CHN2: variants seen among roughly 807,000 people sequenced by gnomAD.
The protein encoded by CHN2 is beta-chimaerin.
In CHN2, 35 loss-of-function variants were observed where a neutral mutation model predicts 56.3. That is an observed-to-expected ratio of 0.62 (90% CI 0.47 to 0.82). The LOEUF (loss-of-function observed/expected upper bound fraction) is 0.82. CHN2 is among the 40% of genes least tolerant of loss of function. The pLI is 0.00. For synonymous variants in CHN2, 210 were observed against 212.8 expected (o/e 0.99, Z 0.12); for missense variants, 491 against 580.5 (o/e 0.85, Z 1.58).
intron 1 of CHN2, among the ~76,000 whole-genome samples, chr7:29,208,370 G>T (rs1274553242): frequency 1.3e-5 from 2 of 152,090 alleles, no homozygotes; most frequent in East Asian, 3.9e-4. Flanking sequence ...TGAAGACAAA[G>T]CAAGTACTAG....
At chr7:29,424,661 G>T (rs935321357) in intron 6 of CHN2, among the ~76,000 whole-genome samples, 2 of 152,160 alleles carry the variant, frequency 1.3e-5, no homozygotes, top group African/African-American at 4.8e-5. Context: ...TAATTTTGGA[G>T]ATTTTACAAA....
intron 12 of CHN2, among the ~76,000 whole-genome samples, chr7:29,510,597 G>A (rs1791196249): frequency 6.6e-6 from 1 of 152,074 alleles, no homozygotes; most frequent in South Asian, 2.1e-4. Flanking sequence ...TCAGTTCCTT[G>A]CCATGTGCAT....
Position 29,457,236 on chromosome 7 carries a change from C to T in CHN2, c.577-23043C>T, listed in dbSNP as rs1784833325. ...GCTGTACCTCCTCTGCTGGCCTCAGCAGTGACAGCACCATGTCCTTTAGTC... is the reference window on the plus strand; with the variant it reads ...GCTGTACCTCCTCTGCTGGCCTCAGTAGTGACAGCACCATGTCCTTTAGTC... On this transcript the variant is annotated intron_variant, in intron 6 of 12. Transcript: ENST00000222792. Among the ~76,000 whole-genome samples the T allele has an allele frequency of 2.6e-5, 4 of 152,306 alleles. No individual in the cohort carries two copies. The South Asian group carries it at 8.3e-4, about 32-fold the overall frequency.
At chr7:29,395,714 A>T (rs1277660112) in intron 4 of CHN2, among the ~76,000 whole-genome samples, 1 of 152,160 alleles carries the variant, frequency 6.6e-6, no homozygotes, top group Admixed American at 6.5e-5. Flanking sequence ...TAGGTTGGAG[A>T]TATTTGGACT....
chr7:29,503,065 A>G (rs767208039), intron 9 of CHN2, among the ~76,000 whole-genome samples: 14 of 152,100 alleles, frequency 9.2e-5, no homozygotes, highest in Non-Finnish European at 2.1e-4. Context: ...CTTATGGCTG[A>G]ATGTTTGTGT....
chr7:29,173,093 T>G (rs1251471735), intron 2 of CHN2, among the ~76,000 whole-genome samples: 1 of 147,672 alleles, frequency 6.8e-6, no homozygotes. Context: ...ATTGCGCCAA[T>G]GTACTCCAGC....
chr7:29,383,248 G>A (rs577672661), intron 3 of CHN2, among the ~76,000 whole-genome samples: 58 of 152,250 alleles, frequency 3.8e-4, no homozygotes, highest in East Asian at 1.5e-3. Context: ...GTGTGTGTGC[G>A]TATGTGTGTG....
chr7:29,349,846 C>A (rs1040785262), intron 1 of CHN2, among the ~76,000 whole-genome samples: 1 of 152,134 alleles, frequency 6.6e-6, no homozygotes, highest in Non-Finnish European at 1.5e-5. Context: ...TCTACTTCCT[C>A]CCCTTTCGTT....
chr7:29,470,926 T>C (rs1411660115), intron 6 of CHN2, among the ~76,000 whole-genome samples: 1 of 152,026 alleles, frequency 6.6e-6, no homozygotes, highest in Non-Finnish European at 1.5e-5. Context: ...GCAAGGAAAA[T>C]ACAGAGAAAA....
chr7:29,218,905 T>TA (rs1441106837), intron 1 of CHN2, among the ~76,000 whole-genome samples: 2 of 151,822 alleles, frequency 1.3e-5, no homozygotes, highest in Non-Finnish European at 2.9e-5. Flanking sequence ...TATACATATG[T>TA]AACAAACCTG....
chr7:29,472,313 T>TCACACGCACACACACACACACACGC (rs1459480414), intron 6 of CHN2, among the ~76,000 whole-genome samples: 3 of 77,778 alleles, frequency 3.9e-5, no homozygotes, highest in Non-Finnish European at 1.1e-4. Context: ...ACACACACAT[T>TCACACGCACACACACACACACACGC]AGACACAGAA....
intron 6 of CHN2, among the ~76,000 whole-genome samples, chr7:29,449,410 CAG>C (rs1159222397): frequency 1.3e-5 from 2 of 152,168 alleles, no homozygotes; most frequent in Admixed American, 6.5e-5. Context: ...AGGCCCAGAA[CAG>C]AGGTAAATAG....
At chr7:29,204,872 A>G (rs1428771393) in intron 1 of CHN2, among the ~76,000 whole-genome samples, 3 of 152,248 alleles carry the variant, frequency 2.0e-5, no homozygotes, top group Admixed American at 2.0e-4. Context: ...ACTCTCCTGA[A>G]ATAATTAATA....
intron 1 of CHN2, among the ~76,000 whole-genome samples, chr7:29,310,736 TG>T (rs1246110434): frequency 2.0e-5 from 3 of 152,200 alleles, no homozygotes; most frequent in Admixed American, 6.5e-5. Context: ...GTGTCCTCAC[TG>T]TGTCCTCACA....
intron 1 of CHN2, among the ~76,000 whole-genome samples, chr7:29,316,813 T>G (rs1193366949): frequency 2.0e-5 from 3 of 152,130 alleles, no homozygotes; most frequent in African/African-American, 7.2e-5. Context: ...CAGATAATCT[T>G]GGTATAGTCT....
chr7:29,506,895 G>C (rs1261640832), intron 10 of CHN2, among the ~76,000 whole-genome samples: 4 of 152,202 alleles, frequency 2.6e-5, no homozygotes, highest in Admixed American at 6.5e-5. Context: ...TCTTGTTTCA[G>C]ATTAGATTGT....
intron 6 of CHN2, among the ~76,000 whole-genome samples, chr7:29,422,588 T>C (rs1804457286): frequency 1.3e-5 from 2 of 152,330 alleles, no homozygotes; most frequent in South Asian, 4.1e-4. Context: ...GCTGATGTTT[T>C]GAAAAAGGAG....
At chr7:29,346,002 C>T (rs1174756922) in intron 1 of CHN2, among the ~76,000 whole-genome samples, 1 of 152,162 alleles carries the variant, frequency 6.6e-6, no homozygotes, top group Non-Finnish European at 1.5e-5. Flanking sequence ...AGACTGACAG[C>T]AGGCCTTCAT....
chr7:29,332,347 C>A (rs554768134), intron 1 of CHN2, among the ~76,000 whole-genome samples: 1 of 152,334 alleles, frequency 6.6e-6, no homozygotes, highest in South Asian at 2.1e-4. Flanking sequence ...TAGCCTGGAA[C>A]AGAGCACTCT....
Sources: allele counts gnomAD v4.1 joint callset (sites outside exome capture counted in the v4.1 genomes callset), GRCh38; gene constraint gnomAD v4.1.1; transcripts MANE v1.5; gene names NCBI Gene and HGNC (gene_info 2026-07-23, HGNC 2026-07-21).